The following FNBP1 variants were observed in gnomAD, a reference collection of about 807,000 sequenced individuals.
FNBP1 encodes formin binding protein 1, also known as formin-binding protein 1.
FNBP1 carries 26 observed loss-of-function variants against 90.6 expected under a neutral mutation model. That is an observed-to-expected ratio of 0.29 (90% CI 0.21 to 0.40). The LOEUF (loss-of-function observed/expected upper bound fraction) is 0.40, where lower values mean the gene tolerates loss of function less well. Among genes scored for constraint, FNBP1 ranks in the 10% least tolerant of loss-of-function variants. The pLI is 1.00. For missense variants in FNBP1, 635 were observed against 768.0 expected (o/e 0.83, Z 2.05); for synonymous variants, 260 against 265.2 (o/e 0.98, Z 0.19).
intron 4 of FNBP1, among the ~76,000 whole-genome samples, chr9:129,959,959 C>T (rs963123730): frequency 1.3e-5 from 2 of 152,110 alleles, no homozygotes; most frequent in Non-Finnish European, 2.9e-5. Flanking sequence ...ATATCCACTT[C>T]GCATGATTTC....
intron 4 of FNBP1, among the ~76,000 whole-genome samples, chr9:129,970,318 G>A (rs1463795815): frequency 3.3e-5 from 5 of 152,048 alleles, no homozygotes; most frequent in African/African-American, 1.2e-4. Flanking sequence ...CAATTCTCCT[G>A]CCTCAGCCTC....
At chr9:129,937,935 G>A (rs927187490) in intron 6 of FNBP1, among the ~76,000 whole-genome samples, 1 of 152,010 alleles carries the variant, frequency 6.6e-6, no homozygotes, top group African/African-American at 2.4e-5. Context: ...GGCTGAGGTG[G>A]GCATGTCAGT....
At chr9:129,929,815 T>C (rs2042454764) in intron 6 of FNBP1, 120 bp from the exon 7 acceptor site, 1 of 848,026 alleles carries the variant, frequency 1.2e-6, no homozygotes, top group African/African-American at 1.7e-5. Context: ...ACCTCAAATG[T>C]ATTCCGCGGG....
At chr9:129,959,918 T>G (rs1272511049) in intron 4 of FNBP1, among the ~76,000 whole-genome samples, 1 of 152,146 alleles carries the variant, frequency 6.6e-6, no homozygotes, top group Non-Finnish European at 1.5e-5. Context: ...TCTGAGGCCT[T>G]TGGTAACTGG....
chr9:130,042,858 T>C lies in FNBP1; in HGVS notation c.24+94A>G. The stretch of plus-strand genomic sequence containing the variant: ...GGACCCCGACCAGCGCGCCCTCGCC[T>C]CCGCCCAGCAGCGCGGCCCGCGCCC... On this transcript the variant is annotated intron_variant, in intron 1 of 16. Transcript: ENST00000446176. This position sits in a 1 kb window ranked among gnomAD's most constrained non-coding sequence, Gnocchi z 5.5. 1 of 911,066 alleles carries C rather than the reference T, an allele frequency of 1.1e-6. No individual in the cohort carries two copies. The highest frequency in any genetic ancestry group is 5.2e-5 in the South Asian group (1 of 19,414). The allele number at this position is 911,066 out of a possible 1,614,324, so 56.4% of individuals were successfully genotyped here. A position where few individuals can be genotyped will look rare whatever the true frequency, so the allele number is the denominator to read the frequency against.
At chr9:130,053,859 G>A in the FNBP1 span, 3 of 1,424,618 alleles carry the variant, frequency 2.1e-6, no homozygotes, top group South Asian at 3.8e-5. Context: ...CGCTCCCCGG[G>A]CCCTTCCGGC....
intron 1 of FNBP1, among the ~76,000 whole-genome samples, chr9:130,039,737 A>T (rs2059660251): frequency 6.6e-6 from 1 of 152,122 alleles, no homozygotes; most frequent in African/African-American, 2.4e-5. Context: ...AGTAAAAAAG[A>T]AAGAGGAAGA....
At chr9:129,944,581 G>A (rs1365877862) in intron 6 of FNBP1, among the ~76,000 whole-genome samples, 3 of 149,554 alleles carry the variant, frequency 2.0e-5, no homozygotes, top group Admixed American at 6.7e-5. Flanking sequence ...AAGAGATGAG[G>A]AGGAAGGAGG....
chr9:129,972,686 T>C (rs183090228), intron 4 of FNBP1, among the ~76,000 whole-genome samples: 5 of 152,032 alleles, frequency 3.3e-5, no homozygotes, highest in African/African-American at 1.2e-4. Flanking sequence ...CACGCGCCAC[T>C]GTGCCTGGAT....
chr9:129,914,176 C>CTT (rs770333230), intron 11 of FNBP1, among the ~76,000 whole-genome samples: 2 of 141,254 alleles, frequency 1.4e-5, no homozygotes, highest in Non-Finnish European at 1.6e-5. Flanking sequence ...TTTCTTTTGT[C>CTT]TTTTTTTTTT....
intron 1 of FNBP1, among the ~76,000 whole-genome samples, chr9:130,005,034 C>T (rs1170275243): frequency 1.4e-5 from 2 of 145,906 alleles, no homozygotes; most frequent in Admixed American, 1.4e-4. Context: ...CCATTGCACT[C>T]CAGCCTGGTG....
At chr9:130,040,977 AT>A (rs1033694449) in intron 1 of FNBP1, among the ~76,000 whole-genome samples, 3 of 145,112 alleles carry the variant, frequency 2.1e-5, no homozygotes, top group Non-Finnish European at 3.0e-5. Flanking sequence ...CCCATTTATT[AT>A]TTTTTTCTTT....
chr9:129,994,946 T>G lies in FNBP1; in HGVS notation c.37A>C (p.Asn13His). 6.5e-7 allele frequency: 1 copy of G among 1,549,654 alleles called. No homozygotes were observed. The highest frequency in any genetic ancestry group is 8.9e-7 in the Non-Finnish European group (1 of 1,124,634). ...CCCCACTGTGTGTGTTTTTCTAAGT[T>G]GTCAAACTGATCCTGTTGAAACAAA... ...WGTELWDQFD[N>H]LEKHTQWGID... The change falls in exon 2 of 17, where the codon AAC (asparagine) becomes CAC (histidine). Residue 13 changes from asparagine (N) to histidine (H), a missense_variant. Coordinates refer to ENST00000446176, the MANE Select transcript of FNBP1 (RefSeq NM_015033.3).
At chr9:129,961,572 A>G (rs932536049) in intron 4 of FNBP1, among the ~76,000 whole-genome samples, 3 of 152,004 alleles carry the variant, frequency 2.0e-5, no homozygotes, top group Non-Finnish European at 2.9e-5. Flanking sequence ...AATCCTTTAT[A>G]TATTTTATTT....
chr9:129,898,207 C>T (rs2036156643), intron 15 of FNBP1, among the ~76,000 whole-genome samples: 1 of 152,182 alleles, frequency 6.6e-6, no homozygotes, highest in African/African-American at 2.4e-5. Context: ...TAAGGTACAG[C>T]TCTGACTGCA....
In FNBP1 at chr9:129,890,700, C is replaced by G. The variant is rs1410477995; in HGVS notation, c.1847-154G>C. Among the ~76,000 whole-genome samples, 1 of 152,108 alleles carries G rather than the reference C, an allele frequency of 6.6e-6. No homozygotes were observed. The highest frequency in any genetic ancestry group is 6.6e-5 in the Admixed American group (1 of 15,264). ...ATGGGAGGGGGCGTCTTAGAGCAATCGGTTACCACAGGGCGGGTCTGAGAT... is the reference window on the plus strand; with the variant it reads ...ATGGGAGGGGGCGTCTTAGAGCAATGGGTTACCACAGGGCGGGTCTGAGAT... On this transcript the variant is annotated intron_variant, in intron 16 of 16. Coordinates refer to ENST00000446176, the MANE Select transcript of FNBP1 (RefSeq NM_015033.3). This position sits in a 1 kb window ranked among gnomAD's most constrained non-coding sequence, Gnocchi z 5.8.
At chr9:129,975,535 G>A (rs2130823316) in intron 4 of FNBP1, among the ~76,000 whole-genome samples, 1 of 152,184 alleles carries the variant, frequency 6.6e-6, no homozygotes, top group East Asian at 1.9e-4. Flanking sequence ...CCGAAATACA[G>A]ATATGACAGA....
At chr9:129,988,590 T>C (rs188767484) in intron 2 of FNBP1, among the ~76,000 whole-genome samples, 4 of 151,842 alleles carry the variant, frequency 2.6e-5, no homozygotes, top group Admixed American at 2.6e-4. Context: ...GGCAGGAGAA[T>C]CGCTTGAACC....
rs2059871371 is a variant in FNBP1 at position 130,042,048 on chromosome 9, AT to A, written c.24+903del. ...CGCACTGCCCATCCCCTGCCCAGTG[AT>A]TTCCCCAGGAATCCGGGGACGGCAG... On this transcript the variant is annotated intron_variant, in intron 1 of 16. Coordinates refer to ENST00000446176, the MANE Select transcript of FNBP1 (RefSeq NM_015033.3). The surrounding 1 kb of genome is among the most constrained non-coding windows in gnomAD (Gnocchi z 5.5). Among the ~76,000 whole-genome samples, 1 of 151,876 alleles carries A rather than the reference AT, an allele frequency of 6.6e-6. No individual in the cohort carries two copies. Among genetic ancestry groups the A allele is most frequent in the Non-Finnish European group, 1.5e-5 (1 of 67,972 alleles).
Sources: gnomAD v4.1 joint callset for allele counts (sites outside exome capture counted in the v4.1 genomes callset) on GRCh38, gnomAD v4.1.1 for gene constraint, Gnocchi (gnomAD v3.1) non-coding constraint, MANE v1.5 for transcripts, NCBI Gene and HGNC (gene_info 2026-07-23, HGNC 2026-07-21) for gene names.